MPDZ: variants seen among roughly 807,000 people sequenced by gnomAD.
MPDZ encodes multiple PDZ domain protein.
In MPDZ, 234 loss-of-function variants were observed where a neutral mutation model predicts 239.1. The ratio of observed to expected loss-of-function variants is 0.98; its 90% CI spans 0.88 to 1.09. MPDZ has a LOEUF of 1.09. Ranked by LOEUF, MPDZ falls within the 50% of genes least tolerant of loss-of-function variation. The pLI is 0.00. For synonymous variants in MPDZ, 1,048 were observed against 881.3 expected (o/e 1.19, Z -3.35); for missense variants, 3,175 against 2,510.0 (o/e 1.26, Z -5.66).
rs756952930 is a variant in MPDZ, at chr9:13,205,024, C to T, written c.1546+12G>A. The T allele has an allele frequency of 8.4e-6, 12 of 1,426,870 alleles. No homozygotes were observed. The South Asian group carries it at 1.6e-4, about 19-fold the overall frequency. The allele number at this position is 1,426,870 out of a possible 1,614,324, so 88.4% of individuals were successfully genotyped here. The stretch of plus-strand genomic sequence containing the variant: ...TAATGAAGTACACAATAAGCTGGCG[C>T]TAGGTGTTTACCTTCTTCTTCAGTT... On this transcript the variant is annotated intron_variant, in intron 12 of 46. Transcript: ENST00000319217.
chr9:13,249,890 T>C (rs2137965403), intron 2 of MPDZ, among the ~76,000 whole-genome samples: 1 of 152,258 alleles, frequency 6.6e-6, no homozygotes, highest in East Asian at 1.9e-4. Context: ...CTTTATCAAT[T>C]AATAGCAAGA....
intron 8 of MPDZ, among the ~76,000 whole-genome samples, chr9:13,219,049 G>A (rs117080430): frequency 0.015 from 2,344 of 151,940 alleles, 37 homozygotes; most frequent in Middle Eastern, 0.031. Context: ...ACAGTTCTAA[G>A]ACATACTTTA....
At chr9:13,230,266 T>C (rs72706378) in intron 3 of MPDZ, among the ~76,000 whole-genome samples, 66,697 of 151,976 alleles carry the variant, frequency 0.44, 17,759 homozygotes, top group Middle Eastern at 0.6. Flanking sequence ...CAACTAGATA[T>C]GCATTTACCA....
Position 13,224,525 on chromosome 9 carries a change from C to T in MPDZ, c.242G>A (p.Ser81Asn). 6.2e-7 allele frequency: 1 copy of T among 1,612,670 alleles called. No individual in the cohort carries two copies. The highest frequency in any genetic ancestry group is 1.3e-5 in the African/African-American group (1 of 74,934). The part of the protein sequence containing the change: ...NIEYAHVPHL[S>N]PAVIPTLQNE... ...TTGCAGAGTAGGAATCACAGCTGGG[C>T]TGAGATGAGGAACGTGGGCATATTC... Residue 81 changes from serine (S) to asparagine (N), a missense_variant, in exon 4 of 47, where the codon AGC (serine) becomes AAC (asparagine). Coordinates refer to ENST00000319217, the MANE Select transcript of MPDZ (RefSeq NM_001378778.1).
In MPDZ at chr9:13,112,046, G is replaced by A. The variant is rs1371435717; in HGVS notation, c.5702C>T (p.Ala1901Val). The change falls in exon 43 of 47, where the codon GCA (alanine) becomes GTA (valine). Residue 1901 changes from alanine (A) to valine (V), a missense_variant. By Grantham distance (64) the Ala-to-Val change is moderately conservative (BLOSUM62 0). Transcript: ENST00000319217. ...FIAMMHPTGV[A>V]AQTQKLRVGD... ...CACTCTGAGTTTTTGGGTCTGTGCT[G>A]CAACTCCAGTTGGGTGCATCATTGC... is the stretch of plus-strand genomic sequence containing the variant. 2.5e-6 allele frequency: 4 copies of A among 1,613,432 alleles called. No individual in the cohort carries two copies. The highest frequency in any genetic ancestry group is 3.4e-6 in the Non-Finnish European group (4 of 1,179,624).
At chr9:13,270,792 C>T (rs1263146964) in intron 1 of MPDZ, among the ~76,000 whole-genome samples, 12 of 152,034 alleles carry the variant, frequency 7.9e-5, no homozygotes, top group African/African-American at 2.9e-4. Context: ...CTCTCCAACT[C>T]TTGGGGTGTT....
intron 1 of MPDZ, among the ~76,000 whole-genome samples, chr9:13,270,910 T>C (rs1280916841): frequency 6.6e-5 from 10 of 152,186 alleles, no homozygotes; most frequent in Admixed American, 6.5e-4. Context: ...TATACATTTG[T>C]CACAGGAGTG....
intron 44 of MPDZ, 50 bp downstream of exon 44, chr9:13,110,586 T>G: frequency 7.7e-7 from 1 of 1,290,428 alleles, no homozygotes; most frequent in Non-Finnish European, 1.1e-6. Context: ...AAAGCTCATG[T>G]GTCTTCAGGC....
At chr9:13,137,049 G>A (rs1946921681) in intron 29 of MPDZ, among the ~76,000 whole-genome samples, 1 of 152,062 alleles carries the variant, frequency 6.6e-6, no homozygotes, top group South Asian at 2.1e-4. Context: ...TGATAAAGAG[G>A]CACCACTTGG....
chr9:13,234,604 T>C (rs1963448987), intron 3 of MPDZ, among the ~76,000 whole-genome samples: 1 of 152,178 alleles, frequency 6.6e-6, no homozygotes, highest in Admixed American at 6.5e-5. Context: ...ATTTAAAAGC[T>C]AAAATATATG....
intron 3 of MPDZ, among the ~76,000 whole-genome samples, chr9:13,241,827 G>A (rs545581273): frequency 1.1e-4 from 17 of 152,226 alleles, no homozygotes; most frequent in South Asian, 4.2e-4. Flanking sequence ...CTTCGCAGTC[G>A]TACAAATCTG....
intron 3 of MPDZ, among the ~76,000 whole-genome samples, chr9:13,245,057 G>C (rs927099061): frequency 9.2e-5 from 14 of 152,112 alleles, no homozygotes; most frequent in African/African-American, 2.9e-4. Context: ...ATAAATATAA[G>C]CTAGCCATTG....
intron 3 of MPDZ, among the ~76,000 whole-genome samples, chr9:13,246,175 C>T (rs185449696): frequency 4.5e-4 from 69 of 152,258 alleles, no homozygotes; most frequent in South Asian, 3.1e-3. Flanking sequence ...TTGCCAGGCG[C>T]GATGGCTCAC....
At chr9:13,255,373 C>T (rs1419850849) in intron 1 of MPDZ, among the ~76,000 whole-genome samples, 1 of 152,152 alleles carries the variant, frequency 6.6e-6, no homozygotes, top group Non-Finnish European at 1.5e-5. Flanking sequence ...TGATATTTTG[C>T]CTTCCTCCCA....
intron 39 of MPDZ, among the ~76,000 whole-genome samples, chr9:13,116,051 G>T (rs2131354867): frequency 6.6e-6 from 1 of 151,632 alleles, no homozygotes; most frequent in Non-Finnish European, 1.5e-5. Context: ...TTAGATAATT[G>T]GGTAAATTCT....
At chr9:13,221,594 T>A in intron 6 of MPDZ, 94 bp from the exon 7 acceptor site, 1 of 1,277,630 alleles carries the variant, frequency 7.8e-7, no homozygotes, top group Non-Finnish European at 1.1e-6. Context: ...TTTGTTAATA[T>A]TAAATAATTA....
chr9:13,185,040 T>C (rs1047841848), intron 18 of MPDZ, among the ~76,000 whole-genome samples: 2 of 152,048 alleles, frequency 1.3e-5, no homozygotes, highest in Non-Finnish European at 2.9e-5. Context: ...ATATAGTATT[T>C]GTATCCTGTG....
At chr9:13,115,880 G>A (rs1417089302) in intron 39 of MPDZ, among the ~76,000 whole-genome samples, 4 of 147,656 alleles carry the variant, frequency 2.7e-5, no homozygotes, top group Non-Finnish European at 5.9e-5. Context: ...GGGAGGCGGA[G>A]CTTGCAGTGA....
chr9:13,249,610 G>A (rs1034495635), intron 2 of MPDZ, among the ~76,000 whole-genome samples: 2 of 152,102 alleles, frequency 1.3e-5, no homozygotes, highest in African/African-American at 4.8e-5. Context: ...AGGTGCCAGA[G>A]TGAAATCCAA....
Sources: allele counts gnomAD v4.1 joint callset (sites outside exome capture counted in the v4.1 genomes callset), GRCh38; gene constraint gnomAD v4.1.1; transcripts MANE v1.5; gene names NCBI Gene and HGNC (gene_info 2026-07-23, HGNC 2026-07-21).